CCND3: variants seen among roughly 807,000 people sequenced by gnomAD.
CCND3 encodes the protein G1/S-specific cyclin-D3.
In CCND3, 9 loss-of-function variants were observed where a neutral mutation model predicts 28.7. That is an observed-to-expected ratio of 0.31 (90% CI 0.19 to 0.55). The LOEUF (loss-of-function observed/expected upper bound fraction) is 0.55. Ranked by LOEUF, CCND3 falls within the 20% of genes least tolerant of loss-of-function variation. CCND3 has a pLI of 0.93. For missense variants in CCND3, 315 were observed against 385.8 expected, an observed-to-expected ratio of 0.82 and a Z score of 1.54; for synonymous variants, 164 against 163.9, an observed-to-expected ratio of 1.00 and a Z score of 0.00.
chr6:41,993,410 CTTT>C (rs70987558), intron 1 of CCND3, among the ~76,000 whole-genome samples: 10 of 101,664 alleles, frequency 9.8e-5, no homozygotes, highest in Middle Eastern at 6.8e-3. Context: ...CTCATGTCTT[CTTT>C]TTTTTTTTTT....
In CCND3 at chr6:41,935,716, A is replaced by G. The variant is rs1582079274; in HGVS notation, c.*224T>C. On this transcript the variant is annotated 3_prime_UTR_variant, in exon 5 of 5. Transcript: ENST00000372991. ...AGAGTTGGGAAAGGCGCTGCTGGTC[A>G]GATGCAGGGAGGAGGAGCTTGACTA... 1 of 553,440 alleles carries G rather than the reference A, an allele frequency of 1.8e-6. No homozygotes were observed. Among genetic ancestry groups the G allele is most frequent in the East Asian group, 2.8e-5 (1 of 35,562 alleles). 34.3% of individuals were successfully genotyped at this position (553,440 alleles called of 1,614,324 possible).
intron 1 of CCND3, among the ~76,000 whole-genome samples, chr6:41,969,361 C>T (rs1217836123): frequency 1.3e-5 from 2 of 151,608 alleles, no homozygotes; most frequent in African/African-American, 4.8e-5. Context: ...ACTAAAAATA[C>T]AAAAATTAGC....
rs3218095 is a variant in CCND3 at position 41,938,626 on chromosome 6, T to C, written c.415-1232A>G. 0.024 allele frequency among the ~76,000 whole-genome samples: 3,653 copies of C among 152,268 alleles called. 64 individuals carry two copies. The highest frequency in any genetic ancestry group is 0.068 in the East Asian group (353 of 5,176). On this transcript the variant is annotated intron_variant, in intron 2 of 4. Coordinates refer to ENST00000372991, the MANE Select transcript of CCND3 (RefSeq NM_001760.5). The surrounding 1 kb of genome is among the most constrained non-coding windows in gnomAD (Gnocchi z 4.6). ...GCAAGGGGTTGTGTTTGAGGGAAAG[T>C]GGCCACCTTTCCCCATATCCAGGCA...
At chr6:42,016,222 A>G (rs942489970) in intron 1 of CCND3, among the ~76,000 whole-genome samples, 1 of 152,232 alleles carries the variant, frequency 6.6e-6, no homozygotes, top group African/African-American at 2.4e-5. Flanking sequence ...GGCGTGAGCC[A>G]CTGCGCCCAG....
At chr6:42,027,074 C>T (rs1180988979) in intron 1 of CCND3, among the ~76,000 whole-genome samples, 4 of 152,200 alleles carry the variant, frequency 2.6e-5, no homozygotes, top group Admixed American at 2.0e-4. Context: ...GGGCCTTGTC[C>T]TCATCCATGT....
chr6:42,017,735 G>A (rs1763565380), intron 1 of CCND3, among the ~76,000 whole-genome samples: 2 of 152,134 alleles, frequency 1.3e-5, no homozygotes, highest in African/African-American at 4.8e-5. Context: ...ATGTGACATA[G>A]GCATTTAAGA....
At chr6:41,976,170 G>T (rs1002772582) in intron 1 of CCND3, among the ~76,000 whole-genome samples, 1 of 152,086 alleles carries the variant, frequency 6.6e-6, no homozygotes, top group Non-Finnish European at 1.5e-5. Context: ...TGGCCAACAT[G>T]GTGAAACCAT....
At chr6:42,019,282 G>A (rs1415006057) in intron 1 of CCND3, among the ~76,000 whole-genome samples, 2 of 152,098 alleles carry the variant, frequency 1.3e-5, no homozygotes, top group African/African-American at 4.8e-5. Flanking sequence ...GAGGTGAGGA[G>A]TTCGAGACCA....
At chr6:42,006,295 T>G (rs1288646473) in intron 1 of CCND3, among the ~76,000 whole-genome samples, 1 of 135,776 alleles carries the variant, frequency 7.4e-6, no homozygotes, top group East Asian at 2.1e-4. Context: ...TAAGGTAGAT[T>G]TAGAGGTTTA....
rs775204715 is a variant in CCND3 at position 41,941,605 on chromosome 6, G to A, written c.45C>T (p.Ala15=). 2.2e-5 allele frequency: 34 copies of A among 1,529,284 alleles called. No individual in the cohort carries two copies. The South Asian group carries it at 2.8e-4, about 12-fold the overall frequency. The allele number at this position is 1,529,284 out of a possible 1,614,324, so 94.7% of individuals were successfully genotyped here. The change falls in exon 1 of 5, where the codon GCC becomes GCT. Residue 15 remains alanine (A), a synonymous_variant. Coordinates refer to ENST00000372991, the MANE Select transcript of CCND3 (RefSeq NM_001760.5). The surrounding 1 kb of genome is among the most constrained non-coding windows in gnomAD (Gnocchi z 6.1). The part of the protein sequence containing the change: ...CCEGTRHAPR[A]GPDPRLLGDQ... ...CCCCCAGCAGCCGCGGGTCCGGCCCGGCCCGGGGCGCGTGCCGGGTGCCTT... is the reference window on the plus strand; with the variant it reads ...CCCCCAGCAGCCGCGGGTCCGGCCCAGCCCGGGGCGCGTGCCGGGTGCCTT...
rs373172500 is a variant in CCND3, at chr6:41,958,864, T to C, written c.-45-18279A>G. On this transcript the variant is annotated intron_variant, in intron 1 of 4. Transcript: ENST00000372988. ...TGGAGAAACTAGAACATTCACACAC[T>C]GCTGGTAAAAATGTAAAATGGTATC... Among the ~76,000 whole-genome samples the C allele has an allele frequency of 3.9e-5, 6 of 152,328 alleles. No homozygotes were observed. In the South Asian group the frequency reaches 1.2e-3, roughly 32 times the overall value.
At chr6:42,047,713 G>A (rs112133751) in intron 1 of CCND3, among the ~76,000 whole-genome samples, 1 of 152,132 alleles carries the variant, frequency 6.6e-6, no homozygotes, top group Admixed American at 6.5e-5. Flanking sequence ...TTTCTGGGTC[G>A]CCCCTATATT....
intron 1 of CCND3, among the ~76,000 whole-genome samples, chr6:42,039,381 C>T (rs1269479478): frequency 6.6e-6 from 1 of 152,162 alleles, no homozygotes; most frequent in Non-Finnish European, 1.5e-5. Context: ...TGACTGAGCC[C>T]AGGAGTCCTC....
chr6:42,004,420 A>C (rs184282319), intron 1 of CCND3, among the ~76,000 whole-genome samples: 354 of 152,330 alleles, frequency 2.3e-3, no homozygotes, highest in Non-Finnish European at 4.0e-3. Context: ...AAACCTAAAT[A>C]GTCCTATATA....
At chr6:42,032,015 T>C (rs1477530127) in intron 1 of CCND3, among the ~76,000 whole-genome samples, 1 of 152,144 alleles carries the variant, frequency 6.6e-6, no homozygotes, top group Non-Finnish European at 1.5e-5. Flanking sequence ...GGTCTCAAAC[T>C]CCTGACCTCA....
intron 1 of CCND3, among the ~76,000 whole-genome samples, chr6:42,017,427 C>T (rs1260993687): frequency 6.6e-6 from 1 of 152,240 alleles, no homozygotes; most frequent in African/African-American, 2.4e-5. Flanking sequence ...TCCACTCAGT[C>T]CTCTGGCCTC....
At chr6:42,013,285 A>T (rs1041561070) in intron 1 of CCND3, among the ~76,000 whole-genome samples, 3 of 152,170 alleles carry the variant, frequency 2.0e-5, no homozygotes, top group African/African-American at 7.2e-5. Flanking sequence ...TTGATTCATG[A>T]GTTTAGAGCC....
intron 1 of CCND3, among the ~76,000 whole-genome samples, chr6:42,036,185 G>T (rs1308795164): frequency 6.7e-6 from 1 of 149,034 alleles, no homozygotes; most frequent in East Asian, 2.0e-4. Context: ...TAGACATGTG[G>T]TTTCACCATG....
At chr6:42,018,907 AAAAG>A (rs1431821903) in intron 1 of CCND3, among the ~76,000 whole-genome samples, 1 of 144,576 alleles carries the variant, frequency 6.9e-6, no homozygotes, top group Non-Finnish European at 1.5e-5. Context: ...AAAAAAAAAA[AAAAG>A]AAGAAAAAGA....
Sources: allele counts gnomAD v4.1 joint callset (sites outside exome capture counted in the v4.1 genomes callset), GRCh38; gene constraint gnomAD v4.1.1; non-coding constraint Gnocchi (gnomAD v3.1); transcripts MANE v1.5; gene names NCBI Gene and HGNC (gene_info 2026-07-23, HGNC 2026-07-21).